Variants in EPHA6 observed in about 807,000 individuals in gnomAD.
EPHA6 encodes ephrin type-A receptor 6.
Under a neutral mutation model 112.0 loss-of-function variants are expected in EPHA6, and 50 were observed. The ratio of observed to expected loss-of-function variants is 0.45; its 90% CI spans 0.36 to 0.56. EPHA6 has a LOEUF of 0.56. Among genes scored for constraint, EPHA6 ranks in the 20% least tolerant of loss-of-function variants. EPHA6 has a pLI of 0.00. For missense variants in EPHA6, 1,280 were observed against 1,417.4 expected (o/e 0.90, Z 1.56); for synonymous variants, 529 against 490.7 (o/e 1.08, Z -1.03).
intron 12 of EPHA6, among the ~76,000 whole-genome samples, chr3:97,595,211 T>TA (rs1219525451): frequency 6.6e-6 from 1 of 152,162 alleles, no homozygotes; most frequent in Non-Finnish European, 1.5e-5. Flanking sequence ...TTCTCATTTC[T>TA]AAAAAGGTCA....
At chr3:97,645,736 C>T (rs1435607095) in intron 14 of EPHA6, among the ~76,000 whole-genome samples, 1 of 151,710 alleles carries the variant, frequency 6.6e-6, no homozygotes, top group Non-Finnish European at 1.5e-5. Context: ...GAGAAAATTC[C>T]CTTGATACGT....
intron 3 of EPHA6, among the ~76,000 whole-genome samples, chr3:97,002,711 C>T (rs1319538814): frequency 6.6e-6 from 1 of 151,800 alleles, no homozygotes; most frequent in Admixed American, 6.6e-5. Context: ...GTAAAGAAGT[C>T]AGACTCAAAA....
chr3:97,012,302 G>A (rs982419835), intron 3 of EPHA6, among the ~76,000 whole-genome samples: 1 of 150,872 alleles, frequency 6.6e-6, no homozygotes, highest in Non-Finnish European at 1.5e-5. Flanking sequence ...TTTCTTTGCA[G>A]CCTCACCAGC....
chr3:97,743,048 C>G (rs1239818692), intron 16 of EPHA6, among the ~76,000 whole-genome samples: 1 of 152,064 alleles, frequency 6.6e-6, no homozygotes, highest in African/African-American at 2.4e-5. Flanking sequence ...CCCAACTCCA[C>G]CTATCACTGC....
intron 7 of EPHA6, among the ~76,000 whole-genome samples, chr3:97,453,002 A>G (rs2090576426): frequency 6.6e-6 from 1 of 151,780 alleles, no homozygotes. Context: ...ATCCTGTTAA[A>G]TTACACTTAC....
chr3:97,564,533 A>C (rs1179972831), intron 11 of EPHA6, among the ~76,000 whole-genome samples: 1 of 152,182 alleles, frequency 6.6e-6, no homozygotes, highest in Non-Finnish European at 1.5e-5. Flanking sequence ...TTAAAGGGTC[A>C]ACTTTATTAA....
chr3:97,390,789 TGGGATGGAGGCCCTACAA>T (rs1159589994), intron 5 of EPHA6, among the ~76,000 whole-genome samples: 1 of 151,962 alleles, frequency 6.6e-6, no homozygotes, highest in Non-Finnish European at 1.5e-5. Flanking sequence ...TGACAGTTCA[TGGGATGGAGGCCCTACAA>T]GGGTGATGAG....
chr3:97,321,557 C>A (rs764462498), intron 5 of EPHA6, among the ~76,000 whole-genome samples: 9 of 151,834 alleles, frequency 5.9e-5, no homozygotes, highest in Admixed American at 5.9e-4. Flanking sequence ...TTCCCCCTAC[C>A]CTTACTACCT....
intron 5 of EPHA6, among the ~76,000 whole-genome samples, chr3:97,292,414 A>G (rs2080719988): frequency 6.6e-6 from 1 of 152,260 alleles, no homozygotes; most frequent in Non-Finnish European, 1.5e-5. Flanking sequence ...TGCATACAAA[A>G]GGAATGAGGT....
At chr3:97,417,376 A>G (rs2088212317) in intron 6 of EPHA6, among the ~76,000 whole-genome samples, 2 of 152,054 alleles carry the variant, frequency 1.3e-5, no homozygotes, top group African/African-American at 2.4e-5. Flanking sequence ...GATTGTATGA[A>G]TGAACGATTT....
At chr3:96,859,623 A>G (rs2035896195) in intron 1 of EPHA6, among the ~76,000 whole-genome samples, 1 of 152,030 alleles carries the variant, frequency 6.6e-6, no homozygotes, top group Non-Finnish European at 1.5e-5. Context: ...TTCATTTTTA[A>G]AACATCTCCC....
chr3:96,899,756 AG>A (rs1199124187), intron 2 of EPHA6, among the ~76,000 whole-genome samples: 1 of 152,202 alleles, frequency 6.6e-6, no homozygotes, highest in Non-Finnish European at 1.5e-5. Context: ...TGTTGCATGG[AG>A]GGTGCTGTCT....
chr3:97,604,338 C>T (rs1219142407), intron 12 of EPHA6, among the ~76,000 whole-genome samples: 1 of 151,618 alleles, frequency 6.6e-6, no homozygotes, highest in Non-Finnish European at 1.5e-5. Context: ...AGTAACCAAT[C>T]ATCCTAGTTT....
chr3:96,947,266 C>T (rs1157745759), intron 2 of EPHA6, among the ~76,000 whole-genome samples: 3 of 152,086 alleles, frequency 2.0e-5, no homozygotes, highest in Admixed American at 1.3e-4. Context: ...ATGCCTATGT[C>T]TTGAATGGTA....
At chr3:97,717,713 T>C (rs943493832) in intron 14 of EPHA6, among the ~76,000 whole-genome samples, 5 of 152,222 alleles carry the variant, frequency 3.3e-5, no homozygotes, top group Admixed American at 2.6e-4. Context: ...GTATGAATTT[T>C]AGGGGAACAC....
chr3:96,990,974 CAATT>C (rs1271479441), intron 3 of EPHA6, among the ~76,000 whole-genome samples: 5 of 150,580 alleles, frequency 3.3e-5, no homozygotes, highest in Non-Finnish European at 7.4e-5. Context: ...TCTGTGTAAA[CAATT>C]AATTAATCTA....
At chr3:97,234,188 G>A (rs1025685624) in intron 4 of EPHA6, among the ~76,000 whole-genome samples, 1 of 152,054 alleles carries the variant, frequency 6.6e-6, no homozygotes, top group Non-Finnish European at 1.5e-5. Context: ...CCTTCCAATT[G>A]TTGGGGGATG....
At chr3:97,469,109 C>G (rs966935509) in intron 7 of EPHA6, among the ~76,000 whole-genome samples, 1 of 151,528 alleles carries the variant, frequency 6.6e-6, no homozygotes, top group East Asian at 1.9e-4. Context: ...TAATTAATAT[C>G]GAATGATCAT....
intron 5 of EPHA6, among the ~76,000 whole-genome samples, chr3:97,334,849 T>C (rs1383531684): frequency 6.6e-6 from 1 of 152,172 alleles, no homozygotes; most frequent in Non-Finnish European, 1.5e-5. Flanking sequence ...GTTTTTCAGT[T>C]TTCTGTTGTC....
Sources: allele counts gnomAD v4.1 joint callset (sites outside exome capture counted in the v4.1 genomes callset), GRCh38; gene constraint gnomAD v4.1.1; transcripts MANE v1.5; gene names NCBI Gene and HGNC (gene_info 2026-07-23, HGNC 2026-07-21).